The following PACSIN2 variants were observed in gnomAD, a reference collection of about 807,000 sequenced individuals.
PACSIN2 encodes the protein protein kinase C and casein kinase substrate in neurons 2.
In PACSIN2, 25 loss-of-function variants were observed where a neutral mutation model predicts 63.8. That is an observed-to-expected ratio of 0.39 (90% CI 0.29 to 0.55). PACSIN2 has a LOEUF of 0.55. Ranked by LOEUF, PACSIN2 falls within the 20% of genes least tolerant of loss-of-function variation. PACSIN2 has a pLI of 0.62. For synonymous variants in PACSIN2, 255 were observed against 256.2 expected, an observed-to-expected ratio of 1.00 and a Z score of 0.05; for missense variants, 518 against 646.9, an observed-to-expected ratio of 0.80 and a Z score of 2.16.
intron 1 of PACSIN2, among the ~76,000 whole-genome samples, chr22:42,952,499 T>C (rs1054999794): frequency 5.3e-5 from 8 of 150,490 alleles, no homozygotes; most frequent in Admixed American, 2.6e-4. Context: ...GCTGGGACTT[T>C]AGGCGCGCAC....
intron 1 of PACSIN2, among the ~76,000 whole-genome samples, chr22:42,947,874 G>A (rs764565533): frequency 6.6e-6 from 1 of 152,336 alleles, no homozygotes; most frequent in East Asian, 1.9e-4. Flanking sequence ...AGGTGACTGG[G>A]GCCAGGCTCC....
At chr22:43,006,810 C>A (rs766844086) in intron 1 of PACSIN2, among the ~76,000 whole-genome samples, 4 of 151,986 alleles carry the variant, frequency 2.6e-5, no homozygotes, top group Middle Eastern at 6.3e-3. Flanking sequence ...AGCAAAATTC[C>A]GTCTCAAAAA....
At chr22:42,946,901 G>A (rs1933448451) in intron 1 of PACSIN2, 1 of 152,258 alleles carries the variant, frequency 6.6e-6, no homozygotes, top group Non-Finnish European at 1.5e-5. Flanking sequence ...GGGTACCTGC[G>A]CTTCCCCTCT....
At chr22:42,919,880 G>T (rs1024812770) in intron 1 of PACSIN2, among the ~76,000 whole-genome samples, 7 of 150,894 alleles carry the variant, frequency 4.6e-5, no homozygotes, top group African/African-American at 1.7e-4. Flanking sequence ...ACTTTGAAAG[G>T]CCAAAGCAGG....
rs113144965 is a variant in PACSIN2, at chr22:43,004,995, C to T, written c.-78+10026G>A. ...AAGCTTCTTGGTAAAATGCAAATGCCTAGACAACCAAGCTCTTTTTATTTA... is the reference window on the plus strand; with the variant it reads ...AAGCTTCTTGGTAAAATGCAAATGCTTAGACAACCAAGCTCTTTTTATTTA... On this transcript the variant is annotated intron_variant, in intron 1 of 10. Transcript: ENST00000263246. Among the ~76,000 whole-genome samples, 605 of 152,362 alleles carry T rather than the reference C, an allele frequency of 4.0e-3. 4 individuals are homozygous for T. The highest frequency in any genetic ancestry group is 0.014 in the African/African-American group (584 of 41,588).
At chr22:42,882,347 A>T in intron 6 of PACSIN2, 43 bp from the exon 7 acceptor site, 10 of 1,576,068 alleles carry the variant, frequency 6.3e-6, no homozygotes, top group Non-Finnish European at 8.6e-6. Context: ...GGCAGGGGCC[A>T]GCTACCCTTT....
chr22:42,896,112 C>G (rs1263215035), intron 2 of PACSIN2, among the ~76,000 whole-genome samples: 2 of 152,204 alleles, frequency 1.3e-5, no homozygotes, highest in Non-Finnish European at 2.9e-5. Context: ...TCTACCACCT[C>G]CACAGCAAGG....
At chr22:42,979,215 T>C (rs1386061077) in intron 1 of PACSIN2, among the ~76,000 whole-genome samples, 3 of 152,140 alleles carry the variant, frequency 2.0e-5, no homozygotes, top group Non-Finnish European at 2.9e-5. Flanking sequence ...TTTTTATTTA[T>C]AGATTTACAG....
At chr22:42,875,849 T>C (rs367636532) in intron 10 of PACSIN2, among the ~76,000 whole-genome samples, 1 of 152,278 alleles carries the variant, frequency 6.6e-6, no homozygotes, top group South Asian at 2.1e-4. Flanking sequence ...ATTTTTTGTA[T>C]TTTTTGTAGA....
At chr22:42,906,354 A>G (rs1319421882) in intron 2 of PACSIN2, among the ~76,000 whole-genome samples, 3 of 152,262 alleles carry the variant, frequency 2.0e-5, no homozygotes, top group Non-Finnish European at 4.4e-5. Context: ...AGTCTGTCCA[A>G]TGTTGACGTC....
At chr22:42,959,935 G>A (rs1441815600) in intron 1 of PACSIN2, 1 of 152,242 alleles carries the variant, frequency 6.6e-6, no homozygotes, top group Non-Finnish European at 1.5e-5. Context: ...TGGCTGCCGA[G>A]ATAAGGTCAT....
chr22:42,874,640 A>G (rs1247075308), intron 10 of PACSIN2, among the ~76,000 whole-genome samples: 1 of 152,174 alleles, frequency 6.6e-6, no homozygotes, highest in Non-Finnish European at 1.5e-5. Context: ...GGGGACCCCT[A>G]GAGAAAGGCT....
chr22:42,935,289 G>T (rs545332722), intron 1 of PACSIN2, among the ~76,000 whole-genome samples: 2 of 151,948 alleles, frequency 1.3e-5, no homozygotes, highest in African/African-American at 4.8e-5. Flanking sequence ...CCTGATTATC[G>T]AGGACCTGCC....
intron 3 of PACSIN2, among the ~76,000 whole-genome samples, chr22:42,891,689 A>G (rs1057367327): frequency 1.3e-5 from 2 of 152,116 alleles, no homozygotes; most frequent in Admixed American, 1.3e-4. Flanking sequence ...TACAGGCGTG[A>G]GCCACCGCGC....
chr22:42,989,228 T>C (rs1922837764), intron 1 of PACSIN2, among the ~76,000 whole-genome samples: 2 of 152,168 alleles, frequency 1.3e-5, no homozygotes, highest in Non-Finnish European at 2.9e-5. Context: ...CCGGGCGCAG[T>C]GGCTCACGCC....
intron 2 of PACSIN2, among the ~76,000 whole-genome samples, chr22:42,908,917 A>AAG (rs1345681236): frequency 3.3e-5 from 5 of 151,420 alleles, no homozygotes; most frequent in Non-Finnish European, 2.9e-5. Context: ...CTGCTCTCAT[A>AAG]CTCCATAAGC....
intron 1 of PACSIN2, among the ~76,000 whole-genome samples, chr22:42,945,241 C>T (rs1933363778): frequency 1.3e-5 from 2 of 151,976 alleles, no homozygotes; most frequent in South Asian, 2.1e-4. Context: ...CAGTGGGGGA[C>T]GAGGGCAAGA....
chr22:42,969,043 C>CTCCATCCA (rs60039459), intron 1 of PACSIN2, among the ~76,000 whole-genome samples: 50,741 of 150,738 alleles, frequency 0.34, 9,273 homozygotes, highest in Non-Finnish European at 0.41. Flanking sequence ...ATCTATCTAT[C>CTCCATCCA]TCCATCCATC....
intron 1 of PACSIN2, among the ~76,000 whole-genome samples, chr22:42,949,832 C>T (rs957078167): frequency 2.0e-5 from 3 of 152,160 alleles, no homozygotes; most frequent in Non-Finnish European, 2.9e-5. Flanking sequence ...TTAATTTATT[C>T]TAATAAACTG....
Sources: allele counts gnomAD v4.1 joint callset (sites outside exome capture counted in the v4.1 genomes callset), GRCh38; gene constraint gnomAD v4.1.1; transcripts MANE v1.5; gene names NCBI Gene and HGNC (gene_info 2026-07-23, HGNC 2026-07-21).